MTA3: variants seen among roughly 807,000 people sequenced by gnomAD.
MTA3 encodes metastasis-associated protein MTA3.
In MTA3, 34 loss-of-function variants were observed where a neutral mutation model predicts 83.5. That is an observed-to-expected ratio of 0.41 (90% CI 0.31 to 0.54). The LOEUF is 0.54. MTA3 is among the 20% of genes least tolerant of loss of function. MTA3 has a pLI of 0.33. For synonymous variants in MTA3, 303 were observed against 252.7 expected (o/e 1.20, Z -1.89); for missense variants, 761 against 726.4 (o/e 1.05, Z -0.55).
intron 2 of MTA3, among the ~76,000 whole-genome samples, chr2:42,523,541 A>G (rs1020885249): frequency 3.9e-5 from 6 of 152,256 alleles, no homozygotes; most frequent in African/African-American, 1.2e-4. Context: ...GCCGACCTAG[A>G]CGCTCATCTC....
In MTA3 at chr2:42,756,877, G is replaced by T; in HGVS notation, c.*3478G>T. On this transcript the variant is annotated 3_prime_UTR_variant, in exon 17 of 17. Transcript: ENST00000405094. ...TGAGCATGATACCACAGTGTGGATT[G>T]TCTGTCTGTAAGGAGATGCCATCTA... 1 of 985,440 alleles carries T rather than the reference G, an allele frequency of 1.0e-6. No homozygotes were observed. Among genetic ancestry groups the T allele is most frequent in the Non-Finnish European group, 1.2e-6 (1 of 829,934 alleles). 61.0% of individuals were successfully genotyped at this position (985,440 alleles called of 1,614,324 possible).
At chr2:42,706,058 A>C (rs571191952) in intron 12 of MTA3, among the ~76,000 whole-genome samples, 7 of 152,266 alleles carry the variant, frequency 4.6e-5, no homozygotes, top group African/African-American at 1.7e-4. Context: ...TATATTTAGA[A>C]TTCAAAATAG....
At chr2:42,653,137 A>G (rs1235516459) in intron 6 of MTA3, among the ~76,000 whole-genome samples, 1 of 152,252 alleles carries the variant, frequency 6.6e-6, no homozygotes, top group Admixed American at 6.5e-5. Flanking sequence ...TTTCTTCACA[A>G]TTAAACGAAG....
At chr2:42,537,585 C>CAAAAT in intron 2 of MTA3, among the ~76,000 whole-genome samples, 1 of 151,432 alleles carries the variant, frequency 6.6e-6, no homozygotes, top group East Asian at 1.9e-4. Flanking sequence ...AATAAATAAA[C>CAAAAT]AAAATAAAAT....
At chr2:42,497,116 G>C (rs1674170609) in intron 2 of MTA3, among the ~76,000 whole-genome samples, 1 of 152,156 alleles carries the variant, frequency 6.6e-6, no homozygotes, top group South Asian at 2.1e-4. Flanking sequence ...TGAGGCAGGA[G>C]AATCGCTTGA....
chr2:42,543,180 A>AT (rs571734488), intron 2 of MTA3, among the ~76,000 whole-genome samples: 8 of 151,120 alleles, frequency 5.3e-5, no homozygotes, highest in African/African-American at 7.3e-5. Context: ...ATCTTAAACA[A>AT]TTTTTTTTGT....
intron 8 of MTA3, among the ~76,000 whole-genome samples, chr2:42,661,519 AAAAAAAAAAG>A (rs1251943775): frequency 4.7e-5 from 7 of 147,774 alleles, no homozygotes; most frequent in African/African-American, 7.5e-5. Context: ...AAAAAAAAAA[AAAAAAAAAAG>A]AAAAAGATAT....
chr2:42,676,816 G>A (rs972683553), intron 8 of MTA3, among the ~76,000 whole-genome samples: 1 of 152,132 alleles, frequency 6.6e-6, no homozygotes, highest in Admixed American at 6.6e-5. Context: ...GCATTTTTGA[G>A]TATCTTTTAA....
rs1449754272 is a variant in MTA3, at chr2:42,754,098, A to G, written c.*699A>G. On this transcript the variant is annotated 3_prime_UTR_variant, in exon 17 of 17. Transcript: ENST00000405094. ...CATCTGTGTTTTGTGGTTGGAGAGA[A>G]ACTGGTGTTCTGCCCGGCTCTGCTT... The G allele has an allele frequency of 1.0e-6, 1 of 985,328 alleles. No homozygotes were observed. Among genetic ancestry groups the G allele is most frequent in the Non-Finnish European group, 1.2e-6 (1 of 829,978 alleles). The allele number at this position is 985,328 out of a possible 1,614,324, so 61.0% of individuals were successfully genotyped here.
At position 42,730,936 on chromosome 2, in the gene MTA3, A is replaced by T. The variant is rs1172876757; in HGVS notation, c.1759+7901A>T. ...GATTTCTTGATGATTCAATCTTGGT[A>T]GGTTGTATGTGTCTAGGAATGTATC... On this transcript the variant is annotated intron_variant, in intron 16 of 16. Transcript: ENST00000405094. Among the ~76,000 whole-genome samples the T allele has an allele frequency of 2.0e-5, 3 of 151,954 alleles. No homozygotes were observed. The East Asian group carries it at 5.8e-4, about 29-fold the overall frequency.
intron 4 of MTA3, among the ~76,000 whole-genome samples, chr2:42,622,844 A>G (rs545637016): frequency 3.3e-5 from 5 of 152,304 alleles, no homozygotes; most frequent in East Asian, 1.9e-4. Flanking sequence ...TGACAAAGTC[A>G]GTCTTGACAA....
intron 2 of MTA3, among the ~76,000 whole-genome samples, chr2:42,521,970 T>C (rs1266829494): frequency 4.6e-5 from 7 of 152,192 alleles, no homozygotes; most frequent in South Asian, 2.1e-4. Context: ...GCCAGGGTGG[T>C]CTTGAACTCC....
chr2:42,708,788 G>A (rs1666334132), intron 13 of MTA3, 86 bp from the exon 14 acceptor site: 1 of 1,356,402 alleles, frequency 7.4e-7, no homozygotes, highest in Non-Finnish European at 1.0e-6. Context: ...TTTAAAAGTT[G>A]CACTTTTCTT....
upstream of MTA3, among the ~76,000 whole-genome samples, chr2:42,565,829 C>T (rs1180942218): frequency 3.3e-5 from 5 of 151,988 alleles, no homozygotes; most frequent in East Asian, 9.7e-4. Flanking sequence ...CATGGTGAAA[C>T]CCTGTCTCTA....
At chr2:42,506,275 T>C (rs1674623227) in intron 2 of MTA3, among the ~76,000 whole-genome samples, 1 of 151,946 alleles carries the variant, frequency 6.6e-6, no homozygotes, top group Non-Finnish European at 1.5e-5. Flanking sequence ...TGAGACCCTG[T>C]CTCTACTAAA....
intron 4 of MTA3, among the ~76,000 whole-genome samples, chr2:42,619,400 G>A (rs982125928): frequency 3.9e-5 from 6 of 152,186 alleles, no homozygotes; most frequent in Non-Finnish European, 5.9e-5. Flanking sequence ...TACTCAGTGT[G>A]TATGTGGTGT....
chr2:42,712,927 A>AT (rs1287552899), intron 14 of MTA3: 1 of 152,020 alleles, frequency 6.6e-6, no homozygotes, highest in African/African-American at 2.4e-5. Flanking sequence ...TGTATGGGAG[A>AT]ATGACGTTCC....
chr2:42,658,521 C>G (rs1439850655), intron 7 of MTA3, among the ~76,000 whole-genome samples: 2 of 152,032 alleles, frequency 1.3e-5, no homozygotes, highest in East Asian at 3.9e-4. Flanking sequence ...ATGGATGAAC[C>G]CACAAACGTA....
chr2:42,638,510 A>C (rs893238151), intron 4 of MTA3, among the ~76,000 whole-genome samples: 2 of 151,746 alleles, frequency 1.3e-5, no homozygotes, highest in African/African-American at 4.8e-5. Flanking sequence ...AACCGCGAGT[A>C]GCTGGGACTA....
Sources: allele counts gnomAD v4.1 joint callset (sites outside exome capture counted in the v4.1 genomes callset), GRCh38; gene constraint gnomAD v4.1.1; transcripts MANE v1.5; gene names NCBI Gene and HGNC (gene_info 2026-07-23, HGNC 2026-07-21).